UST: variants seen among roughly 807,000 people sequenced by gnomAD.
The protein encoded by UST is chondroitin sulfate 2-O-sulfotransferase.
A neutral mutation model predicts 45.6 loss-of-function variants in UST; 21 were observed. The observed-to-expected ratio is 0.46, with a 90% CI of 0.33 to 0.66. The LOEUF is 0.66. Ranked by LOEUF, UST falls within the 30% of genes least tolerant of loss-of-function variation. UST has a pLI of 0.02. For synonymous variants in UST, 215 were observed against 200.6 expected (o/e 1.07, Z -0.61); for missense variants, 463 against 512.4 (o/e 0.90, Z 0.93).
chr6:148,793,438 T>C (rs1582815672), intron 1 of UST, among the ~76,000 whole-genome samples: 2 of 152,098 alleles, frequency 1.3e-5, no homozygotes, highest in Non-Finnish European at 2.9e-5. Context: ...GAAACCCCCC[T>C]CCTCACCCTC....
intron 7 of UST, among the ~76,000 whole-genome samples, chr6:149,050,046 A>G (rs1377805391): frequency 6.6e-6 from 1 of 152,098 alleles, no homozygotes; most frequent in Non-Finnish European, 1.5e-5. Flanking sequence ...ATAATTCTGT[A>G]CTTAACTCTT....
intron 1 of UST, among the ~76,000 whole-genome samples, chr6:148,867,858 T>C (rs1562282553): frequency 6.6e-6 from 1 of 152,170 alleles, no homozygotes; most frequent in Non-Finnish European, 1.5e-5. Flanking sequence ...ATAAATAAGG[T>C]GATTTTTAAA....
At position 148,848,112 on chromosome 6, in the gene UST, A is replaced by T. The variant is rs1778033148; in HGVS notation, c.248-38874A>T. On this transcript the variant is annotated intron_variant, in intron 1 of 7. Transcript: ENST00000367463. Reference sequence around the variant, plus strand: ...GGGTCATATAAAAGTAACTTGTCACACCTGTTGGGAGAATCTTTTTAAGAA... The same window carrying T: ...GGGTCATATAAAAGTAACTTGTCACTCCTGTTGGGAGAATCTTTTTAAGAA... Among the ~76,000 whole-genome samples, 4 of 152,222 alleles carry T rather than the reference A, an allele frequency of 2.6e-5. No homozygotes were observed. The South Asian group carries it at 8.3e-4, about 32-fold the overall frequency.
At chr6:149,057,190 G>A (rs1191947121) in intron 7 of UST, among the ~76,000 whole-genome samples, 1 of 152,196 alleles carries the variant, frequency 6.6e-6, no homozygotes, top group Non-Finnish European at 1.5e-5. Context: ...ATCCAAAAAT[G>A]AGAAAAGATT....
intron 7 of UST, among the ~76,000 whole-genome samples, chr6:149,067,456 C>A (rs1426462971): frequency 6.6e-6 from 1 of 152,182 alleles, no homozygotes; most frequent in Non-Finnish European, 1.5e-5. Flanking sequence ...AAGAAAGGAT[C>A]TTTTAAAGCT....
At chr6:149,067,043 T>C (rs61173696) in intron 7 of UST, among the ~76,000 whole-genome samples, 5,939 of 152,232 alleles carry the variant, frequency 0.039, 389 homozygotes, top group African/African-American at 0.13. Context: ...AAATGGAGGT[T>C]AAATGTGGCA....
intron 2 of UST, among the ~76,000 whole-genome samples, chr6:148,904,782 G>C (rs1779325632): frequency 6.6e-6 from 1 of 152,184 alleles, no homozygotes; most frequent in South Asian, 2.1e-4. Context: ...GTCTCCCAAA[G>C]TGCTAAGATA....
At chr6:148,801,645 G>T (rs1777059049) in intron 1 of UST, among the ~76,000 whole-genome samples, 1 of 151,896 alleles carries the variant, frequency 6.6e-6, no homozygotes, top group Non-Finnish European at 1.5e-5. Flanking sequence ...ACCCTCTTTG[G>T]CCATCAACTT....
chr6:148,975,290 G>T (rs575575606), intron 5 of UST, among the ~76,000 whole-genome samples: 112 of 152,258 alleles, frequency 7.4e-4, no homozygotes, highest in Non-Finnish European at 1.2e-3. Context: ...GAACTAAAAT[G>T]TAACTTGATA....
chr6:148,952,986 C>T (rs534657750), intron 3 of UST, among the ~76,000 whole-genome samples: 6 of 152,178 alleles, frequency 3.9e-5, no homozygotes, highest in South Asian at 4.2e-4. Context: ...TTAGTTTATA[C>T]GAATATAAAC....
At chr6:149,041,016 A>T (rs374492465) in intron 7 of UST, among the ~76,000 whole-genome samples, 1 of 152,218 alleles carries the variant, frequency 6.6e-6, no homozygotes, top group East Asian at 1.9e-4. Context: ...TGTTATACAG[A>T]AACATTGCCC....
In UST at chr6:149,025,214, G is replaced by C. The variant is rs192025178; in HGVS notation, c.937+3733G>C. ...GTTAATAACCTTTCTCAATAACAGC[G>C]TAACTGTCTTTTCTTCTGTTCCTTT... On this transcript the variant is annotated intron_variant, in intron 7 of 7. Transcript: ENST00000367463. Among the ~76,000 whole-genome samples, 187 of 152,290 alleles carry C rather than the reference G, an allele frequency of 1.2e-3. 3 individuals are homozygous for C. In the South Asian group the frequency reaches 0.016, roughly 13 times the overall value.
intron 1 of UST, among the ~76,000 whole-genome samples, chr6:148,771,185 G>A (rs1222269082): frequency 6.6e-6 from 1 of 152,158 alleles, no homozygotes; most frequent in Non-Finnish European, 1.5e-5. Context: ...CAATAACTTT[G>A]ATCATACCAT....
chr6:148,846,792 T>C (rs1271554382), intron 1 of UST, among the ~76,000 whole-genome samples: 2 of 152,250 alleles, frequency 1.3e-5, no homozygotes, highest in Non-Finnish European at 2.9e-5. Context: ...TCAAAGTCCC[T>C]TTCAGCAGTG....
chr6:148,969,878 C>T (rs961248189), intron 5 of UST, among the ~76,000 whole-genome samples: 16 of 152,158 alleles, frequency 1.1e-4, no homozygotes, highest in African/African-American at 2.2e-4. Flanking sequence ...GATCCCAGCC[C>T]GCTGGCATAC....
chr6:148,809,022 A>G (rs4897056), intron 1 of UST, among the ~76,000 whole-genome samples: 28,749 of 152,268 alleles, frequency 0.19, 3,010 homozygotes, highest in African/African-American at 0.28. Context: ...ATAGCAGCCC[A>G]TGCTGACTAA....
chr6:148,914,251 A>G (rs938403659), intron 2 of UST, among the ~76,000 whole-genome samples: 1 of 152,194 alleles, frequency 6.6e-6, no homozygotes, highest in Non-Finnish European at 1.5e-5. Context: ...CTTTAAGTAT[A>G]GTCTTAACTT....
At chr6:148,802,460 A>G (rs986943621) in intron 1 of UST, among the ~76,000 whole-genome samples, 5 of 152,236 alleles carry the variant, frequency 3.3e-5, no homozygotes, top group African/African-American at 1.2e-4. Context: ...CAAGACTTTG[A>G]TGGATCTGGG....
chr6:149,068,101 G>A (rs1375645642), intron 7 of UST, among the ~76,000 whole-genome samples: 1 of 151,968 alleles, frequency 6.6e-6, no homozygotes, highest in Non-Finnish European at 1.5e-5. Flanking sequence ...CAAAACACCT[G>A]CCAGTTTCCT....
Sources: allele counts gnomAD v4.1 joint callset (sites outside exome capture counted in the v4.1 genomes callset), GRCh38; gene constraint gnomAD v4.1.1; transcripts MANE v1.5; gene names NCBI Gene and HGNC (gene_info 2026-07-23, HGNC 2026-07-21).